SPATA31F1: variants seen among roughly 807,000 people sequenced by gnomAD.
SPATA31F1 encodes SPATA31 subfamily F member 1, also known as protein SPATA31F1.
At chr9:34,728,509 G>A in the SPATA31F1 span, 2 of 1,163,452 alleles carry the variant, frequency 1.7e-6, no homozygotes, top group Non-Finnish European at 1.2e-6. Context: ...AGTCTTCAGT[G>A]GCAGAGCACC....
chr9:34,728,647 T>G, the SPATA31F1 span: 10 of 1,551,500 alleles, frequency 6.4e-6, no homozygotes, highest in Non-Finnish European at 8.7e-6. Flanking sequence ...CCTGACTTTT[T>G]GGTGACACTT....
chr9:34,725,892 C>T, the SPATA31F1 span: 2 of 1,552,108 alleles, frequency 1.3e-6, no homozygotes, highest in Admixed American at 2.0e-5. Flanking sequence ...CCTTGAGATC[C>T]CATGAAAGTG....
At chr9:34,727,459 C>T in the SPATA31F1 span, among the ~76,000 whole-genome samples, 12 of 152,238 alleles carry the variant, frequency 7.9e-5, no homozygotes, top group South Asian at 1.0e-3. Context: ...ATTTGGTACC[C>T]GTAATGTTAT....
At chr9:34,726,290 G>C in the SPATA31F1 span, 1 of 1,523,264 alleles carries the variant, frequency 6.6e-7, no homozygotes, top group East Asian at 2.5e-5. Context: ...CTGCCTCAGG[G>C]ACTCCTCCAC....
the SPATA31F1 span, chr9:34,727,978 A>T: frequency 2.6e-6 from 4 of 1,531,074 alleles, no homozygotes; most frequent in Non-Finnish European, 3.5e-6. Context: ...AAATCATCAT[A>T]GGCCAGGCTG....
chr9:34,727,909 T>C, the SPATA31F1 span: 1 of 970,544 alleles, frequency 1.0e-6, no homozygotes, highest in Non-Finnish European at 1.5e-6. Context: ...GCTTCCACTG[T>C]GTATGTCTCC....
the SPATA31F1 span, chr9:34,723,604 T>C: frequency 6.4e-7 from 1 of 1,551,776 alleles, no homozygotes; most frequent in South Asian, 1.2e-5. Flanking sequence ...TAATTTTATT[T>C]CTGAAGCTAG....
At chr9:34,729,280 C>G in the SPATA31F1 span, 1 of 1,551,740 alleles carries the variant, frequency 6.4e-7, no homozygotes, top group Non-Finnish European at 8.7e-7. Flanking sequence ...GATCACAGCC[C>G]TACCCGGCAG....
chr9:34,724,283 T>G, the SPATA31F1 span: 1 of 1,551,516 alleles, frequency 6.4e-7, no homozygotes, highest in Non-Finnish European at 8.7e-7. Flanking sequence ...GGCAGAACCC[T>G]GGGGTACAGC....
At chr9:34,728,778 C>T in the SPATA31F1 span, 1 of 856,348 alleles carries the variant, frequency 1.2e-6, no homozygotes, top group South Asian at 1.7e-5. Context: ...ATTTTATACA[C>T]TCTCCTGGAC....
the SPATA31F1 span, among the ~76,000 whole-genome samples, chr9:34,729,116 G>A: frequency 0.012 from 1,796 of 152,210 alleles, 40 homozygotes; most frequent in African/African-American, 0.041. Context: ...ACTATGTTGC[G>A]GGAAGGGCCT....
chr9:34,725,583 G>T, the SPATA31F1 span: 1 of 1,464,178 alleles, frequency 6.8e-7, no homozygotes, highest in Admixed American at 2.0e-5. Context: ...CAGGGCTCAT[G>T]CTGCATGAGG....
the SPATA31F1 span, chr9:34,723,248 G>T: frequency 6.4e-7 from 1 of 1,551,668 alleles, no homozygotes; most frequent in Non-Finnish European, 8.7e-7. Context: ...TGGGTGCCCT[G>T]GTTTGTTGGC....
chr9:34,725,612 C>T, the SPATA31F1 span: 1 of 1,524,826 alleles, frequency 6.6e-7, no homozygotes, highest in Non-Finnish European at 8.9e-7. Context: ...GTGCTGAGAC[C>T]TCTGGAGGGC....
At chr9:34,728,805 A>G in the SPATA31F1 span, among the ~76,000 whole-genome samples, 2 of 152,146 alleles carry the variant, frequency 1.3e-5, no homozygotes, top group Non-Finnish European at 2.9e-5. Context: ...TGCCTATTCC[A>G]CCTTTTTACC....
chr9:34,728,116 G>C, the SPATA31F1 span: 1 of 1,543,738 alleles, frequency 6.5e-7, no homozygotes, highest in African/African-American at 1.4e-5. Context: ...ATATGGCATG[G>C]GATAATTTCA....
chr9:34,728,006 A>T, the SPATA31F1 span: 2 of 1,551,160 alleles, frequency 1.3e-6, no homozygotes, highest in Non-Finnish European at 1.7e-6. Context: ...ATAGAGTGCA[A>T]AGAGCAATAG....
the SPATA31F1 span, chr9:34,724,013 CT>C: frequency 5.2e-6 from 8 of 1,547,538 alleles, no homozygotes; most frequent in Non-Finnish European, 7.0e-6. Flanking sequence ...AGCAGGGCGT[CT>C]CTCTTCTCTG....
chr9:34,726,946 C>T, the SPATA31F1 span: 1 of 1,551,358 alleles, frequency 6.4e-7, no homozygotes, highest in Non-Finnish European at 8.7e-7. Flanking sequence ...GATCTGCACA[C>T]AGGATTCGCC....
Sources: gnomAD v4.1 joint callset for allele counts (sites outside exome capture counted in the v4.1 genomes callset) on GRCh38, gnomAD v4.1.1 for gene constraint, MANE v1.5 for transcripts, NCBI Gene and HGNC (gene_info 2026-07-23, HGNC 2026-07-21) for gene names.